Variants in TMEFF2 observed in about 807,000 individuals in gnomAD.
TMEFF2 encodes the protein transmembrane protein with EGF like and two follistatin like domains 2.
A neutral mutation model predicts 53.8 loss-of-function variants in TMEFF2; 28 were observed. That is an observed-to-expected ratio of 0.52 (90% CI 0.39 to 0.71). TMEFF2 has a LOEUF of 0.71. Ranked by LOEUF, TMEFF2 falls within the 30% of genes least tolerant of loss-of-function variation. The probability of loss-of-function intolerance (pLI) is 0.00; values close to 1 mark genes in which losing one functional copy is unlikely to be tolerated. For missense variants in TMEFF2, 353 were observed against 455.2 expected, an observed-to-expected ratio of 0.78 and a Z score of 2.04; for synonymous variants, 162 against 166.3, an observed-to-expected ratio of 0.97 and a Z score of 0.20.
intron 4 of TMEFF2, among the ~76,000 whole-genome samples, chr2:192,075,310 T>TATATAAATATAAATATAA (rs1688397400): frequency 1.3e-5 from 1 of 74,914 alleles, no homozygotes; most frequent in African/African-American, 4.9e-5. Context: ...TATATATATA[T>TATATAAATATAAATATAA]ATATATATAT....
chr2:192,151,155 C>T (rs1314731540), intron 4 of TMEFF2, among the ~76,000 whole-genome samples: 1 of 151,800 alleles, frequency 6.6e-6, no homozygotes, highest in Non-Finnish European at 1.5e-5. Flanking sequence ...CATGCCTCTT[C>T]CCCTTCCACC....
At chr2:192,121,117 C>A (rs1689542098) in intron 4 of TMEFF2, among the ~76,000 whole-genome samples, 1 of 151,184 alleles carries the variant, frequency 6.6e-6, no homozygotes. Flanking sequence ...CAAAAGAAAA[C>A]AAAAAAAACA....
At chr2:192,136,146 T>C (rs1231956590) in intron 4 of TMEFF2, among the ~76,000 whole-genome samples, 1 of 152,166 alleles carries the variant, frequency 6.6e-6, no homozygotes, top group Non-Finnish European at 1.5e-5. Flanking sequence ...TAAATAGTAA[T>C]CTACTAATTA....
intron 4 of TMEFF2, chr2:192,177,281 C>A (rs1691069460): frequency 6.6e-6 from 1 of 151,118 alleles, no homozygotes; most frequent in African/African-American, 2.4e-5. Context: ...AGAGAGATAG[C>A]AAGTCAAATA....
chr2:192,100,515 A>T (rs1689009352), intron 4 of TMEFF2, among the ~76,000 whole-genome samples: 1 of 152,170 alleles, frequency 6.6e-6, no homozygotes, highest in Admixed American at 6.6e-5. Context: ...TACTACTGTG[A>T]TACTTAGTGA....
rs371779929 is a variant in TMEFF2, at chr2:192,025,890, A to G, written c.537-26682T>C. The stretch of plus-strand genomic sequence containing the variant: ...TGCCGCTTAATACAAAGAGAAAAAT[A>G]CATCCCTGACTGAACTATTTAACCA... On this transcript the variant is annotated intron_variant, in intron 5 of 9. Transcript: ENST00000272771. Among the ~76,000 whole-genome samples the G allele has an allele frequency of 7.2e-5, 11 of 152,362 alleles. No individual in the cohort carries two copies. The East Asian group carries it at 1.3e-3, about 19-fold the overall frequency.
intron 5 of TMEFF2, among the ~76,000 whole-genome samples, chr2:192,020,390 A>G (rs1686834048): frequency 6.6e-6 from 1 of 152,106 alleles, no homozygotes; most frequent in Admixed American, 6.5e-5. Flanking sequence ...GAACATTTTC[A>G]CCAAATATCA....
chr2:192,036,595 C>T (rs1261823199), intron 5 of TMEFF2: 1 of 152,140 alleles, frequency 6.6e-6, no homozygotes, highest in Non-Finnish European at 1.5e-5. Flanking sequence ...TCTCAGTATA[C>T]TTAGAATAAA....
chr2:192,058,886 A>G (rs1451891025), intron 4 of TMEFF2, among the ~76,000 whole-genome samples: 1 of 152,198 alleles, frequency 6.6e-6, no homozygotes, highest in Non-Finnish European at 1.5e-5. Context: ...ATTTTAAACA[A>G]CAAAGACAAC....
At chr2:192,028,328 A>G (rs2105869023) in intron 5 of TMEFF2, among the ~76,000 whole-genome samples, 1 of 152,334 alleles carries the variant, frequency 6.6e-6, no homozygotes, top group Middle Eastern at 3.4e-3. Flanking sequence ...AGACTAATAC[A>G]AGTGCATTAC....
intron 5 of TMEFF2, among the ~76,000 whole-genome samples, chr2:192,019,327 T>G (rs936750803): frequency 6.6e-6 from 1 of 152,002 alleles, no homozygotes; most frequent in Admixed American, 6.6e-5. Context: ...TAAATATTTT[T>G]AGTTAGATAA....
chr2:192,077,978 T>C lies in TMEFF2; in HGVS notation c.440-20203A>G, dbSNP rs1688472159. 3.9e-5 allele frequency among the ~76,000 whole-genome samples: 6 copies of C among 152,256 alleles called. No individual in the cohort carries two copies. The South Asian group carries it at 1.2e-3, about 32-fold the overall frequency. On this transcript the variant is annotated intron_variant, in intron 4 of 9. Coordinates refer to ENST00000272771, the MANE Select transcript of TMEFF2 (RefSeq NM_016192.4). ...ACAGACTCTAGCAAGCACTAGAGTCTGCCATAAACAGTGCACATTCATTTA... is the reference window on the plus strand; with the variant it reads ...ACAGACTCTAGCAAGCACTAGAGTCCGCCATAAACAGTGCACATTCATTTA...
chr2:192,090,754 T>C (rs1688772144), intron 4 of TMEFF2, among the ~76,000 whole-genome samples: 1 of 152,172 alleles, frequency 6.6e-6, no homozygotes, highest in South Asian at 2.1e-4. Context: ...AATACCTGTC[T>C]TCATGGTCCA....
At chr2:192,136,851 A>G (rs924879823) in intron 4 of TMEFF2, among the ~76,000 whole-genome samples, 17 of 152,224 alleles carry the variant, frequency 1.1e-4, no homozygotes, top group Non-Finnish European at 1.8e-4. Context: ...AGAACGTTAT[A>G]CTCCAGGGGC....
intron 3 of TMEFF2, among the ~76,000 whole-genome samples, chr2:192,183,936 G>A (rs745811008): frequency 3.4e-4 from 52 of 152,072 alleles, no homozygotes; most frequent in Non-Finnish European, 5.3e-4. Flanking sequence ...CAACTTCAGA[G>A]CCCAAACCTG....
chr2:192,053,447 G>C (rs369915318), intron 5 of TMEFF2, among the ~76,000 whole-genome samples: 1 of 136,198 alleles, frequency 7.3e-6, no homozygotes, highest in South Asian at 2.7e-4. Flanking sequence ...TATTAGGCCA[G>C]GGTTAAAGAA....
chr2:192,102,759 C>T (rs573483768), intron 4 of TMEFF2, among the ~76,000 whole-genome samples: 11 of 149,516 alleles, frequency 7.4e-5, no homozygotes, highest in African/African-American at 2.5e-4. Flanking sequence ...TTACTAGAGA[C>T]GGGGTTTCGT....
intron 4 of TMEFF2, among the ~76,000 whole-genome samples, chr2:192,141,058 C>G (rs1426766522): frequency 1.3e-5 from 2 of 152,080 alleles, no homozygotes; most frequent in Non-Finnish European, 2.9e-5. Flanking sequence ...AAGGTATGTA[C>G]TCCATTAATT....
intron 5 of TMEFF2, among the ~76,000 whole-genome samples, chr2:192,002,478 T>A (rs976232219): frequency 2.2e-4 from 31 of 142,878 alleles, no homozygotes; most frequent in African/African-American, 4.3e-4. Context: ...TGGAGAATAT[T>A]TTTTTTTTTT....
Sources: gnomAD v4.1 joint callset for allele counts (sites outside exome capture counted in the v4.1 genomes callset) on GRCh38, gnomAD v4.1.1 for gene constraint, MANE v1.5 for transcripts, NCBI Gene and HGNC (gene_info 2026-07-23, HGNC 2026-07-21) for gene names.